Variants in C1orf87 observed in about 807,000 individuals in gnomAD.
The protein encoded by C1orf87 is chromosome 1 open reading frame 87.
In C1orf87, 58 loss-of-function variants were observed where a neutral mutation model predicts 60.5. That is an observed-to-expected ratio of 0.96 (90% CI 0.78 to 1.19). The LOEUF is 1.19. Ranked by LOEUF, C1orf87 falls within the 50% of genes most tolerant of loss-of-function variation. The probability of loss-of-function intolerance (pLI) is 0.00; values close to 1 mark genes in which losing one functional copy is unlikely to be tolerated. For missense variants in C1orf87, 673 were observed against 638.6 expected, an observed-to-expected ratio of 1.05 and a Z score of -0.58; for synonymous variants, 236 against 227.4, an observed-to-expected ratio of 1.04 and a Z score of -0.34.
chr1:60,011,893 G>C (rs1454991226), intron 8 of C1orf87, among the ~76,000 whole-genome samples: 1 of 151,976 alleles, frequency 6.6e-6, no homozygotes, highest in African/African-American at 2.4e-5. Flanking sequence ...ATGCCACTTT[G>C]GGCACATGAT....
intron 9 of C1orf87, among the ~76,000 whole-genome samples, chr1:60,003,222 C>T (rs1455974416): frequency 7.6e-5 from 11 of 144,196 alleles, no homozygotes; most frequent in African/African-American, 2.8e-4. Context: ...ATCACAAGAA[C>T]AAAAAACCAA....
intron 11 of C1orf87, among the ~76,000 whole-genome samples, chr1:59,992,207 T>A (rs549561993): frequency 6.6e-6 from 1 of 151,316 alleles, no homozygotes; most frequent in African/African-American, 2.4e-5. Context: ...GGAAAAGAGA[T>A]TGCTTCAAGT....
intron 2 of C1orf87, among the ~76,000 whole-genome samples, chr1:60,056,164 A>C (rs1645454553): frequency 6.6e-6 from 1 of 152,110 alleles, no homozygotes; most frequent in Non-Finnish European, 1.5e-5. Context: ...GAATCGCTTG[A>C]ACCCAGGAGG....
At chr1:60,046,248 T>G (rs146352650) in intron 3 of C1orf87, among the ~76,000 whole-genome samples, 45 of 133,662 alleles carry the variant, frequency 3.4e-4, no homozygotes, top group African/African-American at 1.2e-3. Context: ...CCTTCCTTCC[T>G]TCCCTTCCTT....
intron 8 of C1orf87, 62 bp from the exon 9 acceptor site, chr1:60,010,518 T>A: frequency 7.1e-7 from 1 of 1,411,416 alleles, no homozygotes. Flanking sequence ...GAATGTCCAG[T>A]GAAGCTCTGT....
In C1orf87 at chr1:60,001,133, C is replaced by G. The variant is rs35260089; in HGVS notation, c.1216G>C (p.Ala406Pro). The G allele has an allele frequency of 6.3e-7, 1 of 1,586,864 alleles. No individual in the cohort carries two copies. Among genetic ancestry groups the G allele is most frequent in the South Asian group, 1.1e-5 (1 of 87,066 alleles). Reference protein sequence around the residue: ...PTGKNEKKAPAPPMEPEVPEM... With the variant: ...PTGKNEKKAPPPPMEPEVPEM... Reference sequence around the variant, plus strand: ...GGGACTTCAGGCTCCATTGGAGGGGCAGGGGCTTTCTTTTCATTCTTCCCT... The same window carrying G: ...GGGACTTCAGGCTCCATTGGAGGGGGAGGGGCTTTCTTTTCATTCTTCCCT... The change falls in exon 10 of 12, where the codon GCC becomes CCC. Residue 406 changes from alanine to proline, a missense_variant. Coordinates refer to ENST00000371201, the MANE Select transcript of C1orf87 (RefSeq NM_152377.3).
At chr1:60,046,731 A>G (rs562449689) in intron 3 of C1orf87, among the ~76,000 whole-genome samples, 1 of 152,220 alleles carries the variant, frequency 6.6e-6, no homozygotes, top group South Asian at 2.1e-4. Flanking sequence ...GAGCCACTGC[A>G]TCCAGGCTTA....
chr1:60,046,513 A>G (rs1645372703), intron 3 of C1orf87, among the ~76,000 whole-genome samples: 1 of 139,080 alleles, frequency 7.2e-6, no homozygotes, highest in African/African-American at 2.7e-5. Context: ...ATTATTCACC[A>G]CAGCCTGGCC....
intron 8 of C1orf87, among the ~76,000 whole-genome samples, chr1:60,017,791 C>T (rs1287792998): frequency 2.0e-5 from 3 of 152,114 alleles, no homozygotes; most frequent in Admixed American, 1.3e-4. Context: ...TTCTCAAAAT[C>T]GCCTTATCCT....
At chr1:60,058,332 A>G (rs1645471413) in intron 2 of C1orf87, among the ~76,000 whole-genome samples, 1 of 152,148 alleles carries the variant, frequency 6.6e-6, no homozygotes, top group African/African-American at 2.4e-5. Context: ...TGAGTGGTAG[A>G]CTTATGATGT....
intron 2 of C1orf87, among the ~76,000 whole-genome samples, chr1:60,064,714 ATAAATATATT>A (rs1239556968): frequency 5.9e-5 from 6 of 101,292 alleles, no homozygotes; most frequent in South Asian, 2.5e-4. Flanking sequence ...TTCAATATAT[ATAAATATATT>A]TAAATATATT....
At position 60,041,266 on chromosome 1, in the gene C1orf87, A is replaced by G. The variant is rs148913468; in HGVS notation, c.343-135T>C. 3.0e-4 allele frequency: 224 copies of G among 753,364 alleles called. 1 individual carries two copies. The African/African-American group carries it at 3.6e-3, about 12-fold the overall frequency. The allele number at this position is 753,364 out of a possible 1,614,324, so 46.7% of individuals were successfully genotyped here. Reference sequence around the variant, plus strand: ...CCCAGTTCTAAATGAACTTTAGCCCATGTATCATTGAGTCATTGAATCGTC... The same window carrying G: ...CCCAGTTCTAAATGAACTTTAGCCCGTGTATCATTGAGTCATTGAATCGTC... On this transcript the variant is annotated intron_variant, in intron 3 of 11. Coordinates refer to ENST00000371201, the MANE Select transcript of C1orf87 (RefSeq NM_152377.3).
chr1:60,054,976 C>T (rs142522746), intron 3 of C1orf87, among the ~76,000 whole-genome samples: 1 of 152,042 alleles, frequency 6.6e-6, no homozygotes, highest in Non-Finnish European at 1.5e-5. Context: ...TTGTCATGAC[C>T]AACTTCTTTG....
At chr1:60,069,096 A>G (rs979047680) in intron 2 of C1orf87, among the ~76,000 whole-genome samples, 2 of 152,212 alleles carry the variant, frequency 1.3e-5, no homozygotes, top group Non-Finnish European at 2.9e-5. Flanking sequence ...TTGGGGAGAC[A>G]GAAATGCATA....
intron 8 of C1orf87, among the ~76,000 whole-genome samples, chr1:60,013,490 T>C (rs1304440141): frequency 6.6e-6 from 1 of 152,094 alleles, no homozygotes; most frequent in Non-Finnish European, 1.5e-5. Context: ...GTTTCATTTT[T>C]GTGTCCTTTA....
chr1:60,020,979 T>C (rs1645158999), intron 8 of C1orf87, among the ~76,000 whole-genome samples: 1 of 152,116 alleles, frequency 6.6e-6, no homozygotes, highest in Admixed American at 6.6e-5. Context: ...CCCCATGCTG[T>C]TCTTGTGATG....
intron 11 of C1orf87, among the ~76,000 whole-genome samples, chr1:59,995,727 G>A (rs964616738): frequency 6.6e-6 from 1 of 152,062 alleles, no homozygotes; most frequent in East Asian, 1.9e-4. Flanking sequence ...ACTCTTATTT[G>A]TGCCTTCATT....
At chr1:59,991,010 T>G (rs1644918181) in intron 11 of C1orf87, among the ~76,000 whole-genome samples, 177 bp from the exon 12 acceptor site, 1 of 152,194 alleles carries the variant, frequency 6.6e-6, no homozygotes, top group African/African-American at 2.4e-5. Context: ...TGGGTATGCA[T>G]CACAGATTTC....
intron 8 of C1orf87, 49 bp downstream of exon 8, chr1:60,025,352 G>T: frequency 7.2e-7 from 1 of 1,398,062 alleles, no homozygotes; most frequent in Non-Finnish European, 1.0e-6. Flanking sequence ...ATCATTTGGG[G>T]AAGGGGTGGT....
Sources: gnomAD v4.1 joint callset for allele counts (sites outside exome capture counted in the v4.1 genomes callset) on GRCh38, gnomAD v4.1.1 for gene constraint, MANE v1.5 for transcripts, NCBI Gene and HGNC (gene_info 2026-07-23, HGNC 2026-07-21) for gene names.